The following SLC25A21 variants were observed in gnomAD, a reference collection of about 807,000 sequenced individuals.
SLC25A21 encodes the protein solute carrier family 25 member 21.
Under a neutral mutation model 43.8 loss-of-function variants are expected in SLC25A21, and 47 were observed. That is an observed-to-expected ratio of 1.07 (90% CI 0.85 to 1.37). The LOEUF is 1.37. Ranked by LOEUF, SLC25A21 falls within the 40% of genes most tolerant of loss-of-function variation. The pLI is 0.00. For synonymous variants in SLC25A21, 131 were observed against 121.3 expected (o/e 1.08, Z -0.52); for missense variants, 352 against 350.2 (o/e 1.00, Z -0.04).
chr14:36,841,211 T>TA (rs1594632627), intron 2 of SLC25A21, among the ~76,000 whole-genome samples: 1 of 151,876 alleles, frequency 6.6e-6, no homozygotes, highest in African/African-American at 2.4e-5. Flanking sequence ...TATCCTCTTT[T>TA]AAAAAAATCT....
In SLC25A21 at chr14:37,172,459, T is replaced by C. The variant is rs1480076200; in HGVS notation, c.-109A>G. 4 of 1,152,558 alleles carry C rather than the reference T, an allele frequency of 3.5e-6. No individual in the cohort carries two copies. Among genetic ancestry groups the C allele is most frequent in the East Asian group, 2.6e-5 (1 of 39,090 alleles). The allele number at this position is 1,152,558 out of a possible 1,614,324, so 71.4% of individuals were successfully genotyped here. ...CCGGCTGGGCTGGTCCTCAAGCGCGTTGGCTCCCTGTGGAGCAGCAATCCG... is the reference window on the plus strand; with the variant it reads ...CCGGCTGGGCTGGTCCTCAAGCGCGCTGGCTCCCTGTGGAGCAGCAATCCG... On this transcript the variant is annotated 5_prime_UTR_variant, in exon 1 of 10. Transcript: ENST00000331299.
chr14:36,705,456 G>T (rs1883496701), intron 7 of SLC25A21, among the ~76,000 whole-genome samples: 1 of 152,130 alleles, frequency 6.6e-6, no homozygotes, highest in South Asian at 2.1e-4. Context: ...ACATTTTTCA[G>T]TGATTTACTT....
chr14:36,948,187 T>G (rs986108706), intron 1 of SLC25A21, among the ~76,000 whole-genome samples: 4 of 152,218 alleles, frequency 2.6e-5, no homozygotes, highest in African/African-American at 7.2e-5. Flanking sequence ...CTGCCTTATT[T>G]ATGACATACC....
intron 2 of SLC25A21, among the ~76,000 whole-genome samples, chr14:36,818,790 C>T (rs1413766608): frequency 6.6e-6 from 1 of 152,208 alleles, no homozygotes; most frequent in African/African-American, 2.4e-5. Flanking sequence ...CTCTACATTT[C>T]AGCAACTTAA....
At chr14:37,066,731 T>C (rs1487388523) in intron 1 of SLC25A21, among the ~76,000 whole-genome samples, 2 of 152,088 alleles carry the variant, frequency 1.3e-5, no homozygotes, top group African/African-American at 4.8e-5. Flanking sequence ...AGTATGTATA[T>C]TTACATTTAA....
chr14:36,959,504 T>C (rs1050544797), intron 1 of SLC25A21, among the ~76,000 whole-genome samples: 1 of 152,074 alleles, frequency 6.6e-6, no homozygotes. Flanking sequence ...TTGCCCACAT[T>C]TTCCAGGGCC....
At chr14:36,811,814 G>A (rs712337) in intron 3 of SLC25A21, among the ~76,000 whole-genome samples, 103,461 of 152,076 alleles carry the variant, frequency 0.68, 36,699 homozygotes, top group East Asian at 1. Flanking sequence ...ATTATCAGCT[G>A]GATTAAAAAT....
intron 1 of SLC25A21, among the ~76,000 whole-genome samples, chr14:37,102,724 A>C (rs1350924523): frequency 6.6e-6 from 1 of 151,562 alleles, no homozygotes; most frequent in Non-Finnish European, 1.5e-5. Flanking sequence ...GGTGGCTCAT[A>C]CCTGTAATCG....
intron 7 of SLC25A21, among the ~76,000 whole-genome samples, chr14:36,689,794 A>C (rs1011625216): frequency 6.6e-6 from 1 of 152,214 alleles, no homozygotes; most frequent in Non-Finnish European, 1.5e-5. Context: ...CTATTTGAAC[A>C]AGTCCTCCAA....
intron 3 of SLC25A21, among the ~76,000 whole-genome samples, chr14:36,744,308 C>A (rs2139246286): frequency 6.6e-6 from 1 of 152,148 alleles, no homozygotes; most frequent in Middle Eastern, 3.4e-3. Flanking sequence ...CTATAATAAC[C>A]AAAACAGCAT....
chr14:36,898,306 G>C (rs1452604253), intron 1 of SLC25A21, among the ~76,000 whole-genome samples: 1 of 152,172 alleles, frequency 6.6e-6, no homozygotes, highest in Non-Finnish European at 1.5e-5. Context: ...AATGAGCGAG[G>C]CTCTGTGGGC....
At chr14:36,804,531 A>G (rs1225604799) in intron 3 of SLC25A21, among the ~76,000 whole-genome samples, 1 of 152,208 alleles carries the variant, frequency 6.6e-6, no homozygotes, top group Non-Finnish European at 1.5e-5. Flanking sequence ...CAAGGAGGTC[A>G]TATACATGGA....
At chr14:36,949,847 G>T (rs967393152) in intron 1 of SLC25A21, among the ~76,000 whole-genome samples, 3 of 152,170 alleles carry the variant, frequency 2.0e-5, no homozygotes, top group Admixed American at 2.0e-4. Flanking sequence ...ATTTTTCAAA[G>T]CAGGCAAATA....
At chr14:36,727,421 C>A (rs894597805) in intron 5 of SLC25A21, among the ~76,000 whole-genome samples, 4 of 152,252 alleles carry the variant, frequency 2.6e-5, no homozygotes, top group African/African-American at 9.6e-5. Context: ...GGTGCAATGG[C>A]TCACGCCTGT....
intron 1 of SLC25A21, among the ~76,000 whole-genome samples, chr14:37,021,722 A>ATTC (rs1960989824): frequency 2.0e-5 from 3 of 151,952 alleles, no homozygotes; most frequent in Non-Finnish European, 4.4e-5. Context: ...TTGGTATCAG[A>ATTC]ATAAGTTTCA....
At chr14:37,082,603 G>A (rs6571781) in intron 1 of SLC25A21, among the ~76,000 whole-genome samples, 144,077 of 152,170 alleles carry the variant, frequency 0.95, 68,272 homozygotes, top group East Asian at 1. Flanking sequence ...ATGTCCTAGC[G>A]CACAGTGGAG....
chr14:37,131,570 C>T lies in SLC25A21; in HGVS notation c.70+40711G>A, dbSNP rs1963392111. Among the ~76,000 whole-genome samples, 8 of 152,024 alleles carry T rather than the reference C, an allele frequency of 5.3e-5. No individual in the cohort carries two copies. The South Asian group carries it at 1.7e-3, about 32-fold the overall frequency. ...ACTTGTGGATTTTTTTCACAAGTAACAAGTATAAAATAATACAATTCATAC... is the reference window on the plus strand; with the variant it reads ...ACTTGTGGATTTTTTTCACAAGTAATAAGTATAAAATAATACAATTCATAC... On this transcript the variant is annotated intron_variant, in intron 1 of 9. Coordinates refer to ENST00000331299, the MANE Select transcript of SLC25A21 (RefSeq NM_030631.4).
At chr14:36,744,695 T>C (rs1156993937) in intron 3 of SLC25A21, among the ~76,000 whole-genome samples, 1 of 151,994 alleles carries the variant, frequency 6.6e-6, no homozygotes, top group Non-Finnish European at 1.5e-5. Context: ...GCAAAAGAAA[T>C]AATCATCCAA....
At chr14:36,755,355 C>T (rs1003027189) in intron 3 of SLC25A21, among the ~76,000 whole-genome samples, 1 of 152,226 alleles carries the variant, frequency 6.6e-6, no homozygotes, top group Non-Finnish European at 1.5e-5. Flanking sequence ...GCACATATAA[C>T]ATTTCCATGA....
Sources: allele counts gnomAD v4.1 joint callset (sites outside exome capture counted in the v4.1 genomes callset), GRCh38; gene constraint gnomAD v4.1.1; transcripts MANE v1.5; gene names NCBI Gene and HGNC (gene_info 2026-07-23, HGNC 2026-07-21).